ARHGAP31: variants seen among roughly 807,000 people sequenced by gnomAD.
ARHGAP31 encodes Rho GTPase activating protein 31, also known as rho GTPase-activating protein 31.
ARHGAP31 carries 34 observed loss-of-function variants against 113.9 expected under a neutral mutation model. The observed-to-expected ratio is 0.30, with a 90% CI of 0.23 to 0.40. The LOEUF is 0.40. Among genes scored for constraint, ARHGAP31 ranks in the 10% least tolerant of loss-of-function variants. The probability of loss-of-function intolerance (pLI) is 1.00; values close to 1 mark genes in which losing one functional copy is unlikely to be tolerated. For missense variants in ARHGAP31, 1,548 were observed against 1,767.1 expected, an observed-to-expected ratio of 0.88 and a Z score of 2.22; for synonymous variants, 650 against 684.8, an observed-to-expected ratio of 0.95 and a Z score of 0.79.
In ARHGAP31 at chr3:119,399,236, C is replaced by T. The variant is rs369521143; in HGVS notation, c.1044C>T (p.Asp348=). ...KATIRPAKSM[D]SLCSVPVEGK... ...CTATCCGACCAGCTAAAAGCATGGA[C>T]TCACTATGTTCAGTGCCTGTGGAAG... Residue 348 remains aspartate (D), a synonymous_variant, in exon 9 of 12, where the codon GAC becomes GAT. Transcript: ENST00000264245. 73 of 1,613,570 alleles carry T rather than the reference C, an allele frequency of 4.5e-5. No individual in the cohort carries two copies. Among genetic ancestry groups the T allele is most frequent in the Non-Finnish European group, 5.8e-5 (69 of 1,179,568 alleles).
intron 6 of ARHGAP31, among the ~76,000 whole-genome samples, chr3:119,387,274 G>A (rs1388316517): frequency 4.6e-5 from 7 of 152,170 alleles, no homozygotes; most frequent in African/African-American, 1.4e-4. Context: ...CAGAAGGCTC[G>A]CACTCTTGTC....
chr3:119,380,500 C>T (rs1228947786), intron 3 of ARHGAP31, among the ~76,000 whole-genome samples: 1 of 152,194 alleles, frequency 6.6e-6, no homozygotes, highest in African/African-American at 2.4e-5. Flanking sequence ...ATCCTCCCAC[C>T]TCAGCCTCCT....
chr3:119,357,327 C>T (rs975096020), intron 1 of ARHGAP31, among the ~76,000 whole-genome samples: 14 of 152,060 alleles, frequency 9.2e-5, no homozygotes, highest in Non-Finnish European at 1.6e-4. Context: ...GAGGGAGTAT[C>T]GGGTGCAAAG....
chr3:119,412,452 C>A (rs934412029), intron 11 of ARHGAP31, among the ~76,000 whole-genome samples: 1 of 151,644 alleles, frequency 6.6e-6, no homozygotes, highest in Non-Finnish European at 1.5e-5. Flanking sequence ...CCTGAGCAGG[C>A]CTCCTTCCAT....
chr3:119,366,514 T>C (rs571360402), intron 2 of ARHGAP31, among the ~76,000 whole-genome samples: 1 of 152,308 alleles, frequency 6.6e-6, no homozygotes, highest in South Asian at 2.1e-4. Context: ...TGTGTTTACA[T>C]AATTTCACTA....
Position 119,414,641 on chromosome 3 carries a change from G to A in ARHGAP31, c.2712G>A (p.Met904Ile), listed in dbSNP as rs2080755273. The change falls in exon 12 of 12, where the codon ATG (methionine) becomes ATA (isoleucine). Residue 904 changes from methionine to isoleucine, a missense_variant. Transcript: ENST00000264245. ...ACATTGCCCAGCATGGCCTGGAGATGGTGGAGCCCTGGGAGGAACCCCAGT... is the reference window on the plus strand; with the variant it reads ...ACATTGCCCAGCATGGCCTGGAGATAGTGGAGCCCTGGGAGGAACCCCAGT... Reference protein sequence around the residue: ...VTDIAQHGLEMVEPWEEPQWV... With the variant: ...VTDIAQHGLEIVEPWEEPQWV... The A allele has an allele frequency of 6.2e-7, 1 of 1,614,202 alleles. No homozygotes were observed. Among genetic ancestry groups the A allele is most frequent in the African/African-American group, 1.3e-5 (1 of 75,054 alleles).
At chr3:119,400,646 G>T (rs2080595217) in intron 9 of ARHGAP31, among the ~76,000 whole-genome samples, 1 of 152,086 alleles carries the variant, frequency 6.6e-6, no homozygotes, top group African/African-American at 2.4e-5. Context: ...CATGGCATGT[G>T]AGTATTAGGT....
chr3:119,326,953 C>T (rs1260724197), intron 1 of ARHGAP31, among the ~76,000 whole-genome samples: 1 of 152,142 alleles, frequency 6.6e-6, no homozygotes, highest in Non-Finnish European at 1.5e-5. Context: ...GCCTGGGCAA[C>T]ACGGTGAAAC....
intron 1 of ARHGAP31, among the ~76,000 whole-genome samples, chr3:119,353,342 C>A (rs1235636734): frequency 7.9e-5 from 12 of 152,194 alleles, no homozygotes. Flanking sequence ...ACTTTTGTTA[C>A]AATTTTTGTG....
chr3:119,383,010 G>C, intron 5 of ARHGAP31, 74 bp from the exon 6 acceptor site: 1 of 1,562,098 alleles, frequency 6.4e-7, no homozygotes, highest in Non-Finnish European at 8.8e-7. Context: ...TGTGCAAAAG[G>C]CCCACTGGCT....
At chr3:119,409,267 A>C (rs1239243080) in intron 10 of ARHGAP31, among the ~76,000 whole-genome samples, 1 of 152,198 alleles carries the variant, frequency 6.6e-6, no homozygotes, top group Non-Finnish European at 1.5e-5. Flanking sequence ...GTTGAGAACC[A>C]CCGGACTAGG....
Position 119,414,752 on chromosome 3 carries a change from G to A in ARHGAP31, c.2823G>A (p.Lys941=). The A allele has an allele frequency of 6.2e-7, 1 of 1,614,218 alleles. No homozygotes were observed. The highest frequency in any genetic ancestry group is 8.5e-7 in the Non-Finnish European group (1 of 1,180,036). Residue 941 remains lysine (K), a synonymous_variant, in exon 12 of 12, where the codon AAG becomes AAA. Coordinates refer to ENST00000264245, the MANE Select transcript of ARHGAP31 (RefSeq NM_020754.4). ...VQGLQGHQLE[K]RLSHRPSLRQ... Reference sequence around the variant, plus strand: ...GCCTTCAGGGTCACCAGTTGGAGAAGAGGCTTTCCCACAGGCCCAGCCTTC... The same window carrying A: ...GCCTTCAGGGTCACCAGTTGGAGAAAAGGCTTTCCCACAGGCCCAGCCTTC...
chr3:119,333,765 T>G (rs1488706364), intron 1 of ARHGAP31, among the ~76,000 whole-genome samples: 1 of 152,220 alleles, frequency 6.6e-6, no homozygotes, highest in East Asian at 1.9e-4. Context: ...TTTTATTCCT[T>G]TCTTTTCACC....
At chr3:119,412,626 A>C (rs183338476) in intron 11 of ARHGAP31, among the ~76,000 whole-genome samples, 33 of 152,350 alleles carry the variant, frequency 2.2e-4, no homozygotes, top group African/African-American at 7.2e-4. Flanking sequence ...AACAGTGGTT[A>C]TCTGTGGGGA....
chr3:119,379,004 C>T (rs934981537), intron 3 of ARHGAP31, among the ~76,000 whole-genome samples: 2 of 152,180 alleles, frequency 1.3e-5, no homozygotes, highest in Non-Finnish European at 2.9e-5. Flanking sequence ...GCTTCAAATG[C>T]GAGACCTCAA....
chr3:119,332,635 T>TCTCTCTCACACA (rs1403595583), intron 1 of ARHGAP31, among the ~76,000 whole-genome samples: 5 of 85,662 alleles, frequency 5.8e-5, no homozygotes, highest in Admixed American at 2.8e-4. Context: ...TCTCTCTCTC[T>TCTCTCTCACACA]CACACACACA....
intron 11 of ARHGAP31, among the ~76,000 whole-genome samples, chr3:119,411,960 A>G (rs1225409266): frequency 1.3e-5 from 2 of 152,126 alleles, no homozygotes; most frequent in East Asian, 3.9e-4. Context: ...ATGAAACAAC[A>G]AGTGATTAGA....
chr3:119,382,059 G>A lies in ARHGAP31; in HGVS notation c.432-233G>A, dbSNP rs200030825. Among the ~76,000 whole-genome samples the A allele has an allele frequency of 6.6e-5, 10 of 150,674 alleles. No individual in the cohort carries two copies. The East Asian group carries it at 1.8e-3, about 26-fold the overall frequency. On this transcript the variant is annotated intron_variant, in intron 4 of 11. Coordinates refer to ENST00000264245, the MANE Select transcript of ARHGAP31 (RefSeq NM_020754.4). ...TTCTCTAGTTCTGTCTCTGACTGGTGCTCCAGGGTCCTCTGCTTACATCTG... is the reference window on the plus strand; with the variant it reads ...TTCTCTAGTTCTGTCTCTGACTGGTACTCCAGGGTCCTCTGCTTACATCTG...
At chr3:119,341,726 G>A (rs191724003) in intron 1 of ARHGAP31, 45 of 152,024 alleles carry the variant, frequency 3.0e-4, no homozygotes, top group Admixed American at 2.9e-3. Context: ...GTAGTAACTG[G>A]CAGTAAAAAA....
Sources: allele counts gnomAD v4.1 joint callset (sites outside exome capture counted in the v4.1 genomes callset), GRCh38; gene constraint gnomAD v4.1.1; transcripts MANE v1.5; gene names NCBI Gene and HGNC (gene_info 2026-07-23, HGNC 2026-07-21).